Variants in CNTN6 observed in about 807,000 individuals in gnomAD.
CNTN6 encodes the protein contactin 6.
Under a neutral mutation model 122.8 loss-of-function variants are expected in CNTN6, and 137 were observed. The ratio of observed to expected loss-of-function variants is 1.12; its 90% CI spans 0.97 to 1.29. CNTN6 has a LOEUF of 1.29. CNTN6 is among the 50% of genes most tolerant of loss of function. The probability of loss-of-function intolerance (pLI) is 0.00; values close to 1 mark genes in which losing one functional copy is unlikely to be tolerated. For missense variants in CNTN6, 1,634 were observed against 1,223.4 expected (o/e 1.34, Z -5.01); for synonymous variants, 570 against 426.0 (o/e 1.34, Z -4.16).
chr3:1,261,579 A>G (rs192053172), intron 4 of CNTN6, among the ~76,000 whole-genome samples: 15 of 152,176 alleles, frequency 9.9e-5, no homozygotes, highest in African/African-American at 3.6e-4. Context: ...ATAAAAAATA[A>G]TTTCTCAGAG....
chr3:1,096,889 T>C (rs1195507160), intron 1 of CNTN6, among the ~76,000 whole-genome samples: 1 of 152,200 alleles, frequency 6.6e-6, no homozygotes, highest in Non-Finnish European at 1.5e-5. Flanking sequence ...TGCTTCGTTT[T>C]TTATCTGCAC....
chr3:1,150,738 C>T (rs1211642734), intron 2 of CNTN6, among the ~76,000 whole-genome samples: 1 of 152,064 alleles, frequency 6.6e-6, no homozygotes, highest in Non-Finnish European at 1.5e-5. Context: ...GGTCCTAATA[C>T]CTGGAACCTG....
chr3:1,320,395 C>A (rs961124422), intron 7 of CNTN6, among the ~76,000 whole-genome samples: 1 of 151,590 alleles, frequency 6.6e-6, no homozygotes, highest in African/African-American at 2.4e-5. Context: ...CATAAGTGTT[C>A]TTGCTTGAAG....
At chr3:1,380,174 G>T (rs867459158) in intron 17 of CNTN6, among the ~76,000 whole-genome samples, 23 of 152,094 alleles carry the variant, frequency 1.5e-4, no homozygotes, top group African/African-American at 2.4e-5. Flanking sequence ...ACTTTGAAAG[G>T]CACTGCGCGA....
chr3:1,249,842 G>C (rs1308417966), intron 4 of CNTN6, among the ~76,000 whole-genome samples: 2 of 152,124 alleles, frequency 1.3e-5, no homozygotes, highest in East Asian at 3.9e-4. Context: ...TTAAGCAAAA[G>C]TAATCAAATA....
intron 1 of CNTN6, among the ~76,000 whole-genome samples, chr3:1,142,946 A>G (rs2092641913): frequency 6.9e-6 from 1 of 145,974 alleles, no homozygotes; most frequent in Admixed American, 6.9e-5. Flanking sequence ...TTAAAGATAC[A>G]TATAAATTTG....
intron 2 of CNTN6, among the ~76,000 whole-genome samples, chr3:1,160,586 C>T (rs9822340): frequency 0.063 from 9,319 of 148,684 alleles, 388 homozygotes; most frequent in Middle Eastern, 0.13. Context: ...GACCTAAGTG[C>T]TTTTAAAAGC....
At chr3:1,174,451 T>C (rs965079523) in intron 2 of CNTN6, among the ~76,000 whole-genome samples, 3 of 152,220 alleles carry the variant, frequency 2.0e-5, no homozygotes, top group Admixed American at 2.0e-4. Context: ...CAGCATCTCA[T>C]GGAACTTCTC....
At chr3:1,321,120 C>G (rs1028908199) in intron 7 of CNTN6, among the ~76,000 whole-genome samples, 5 of 151,452 alleles carry the variant, frequency 3.3e-5, no homozygotes, top group Non-Finnish European at 7.4e-5. Flanking sequence ...TCACCCATCC[C>G]ATGTCTTCAG....
chr3:1,312,638 T>C (rs550691932), intron 7 of CNTN6, among the ~76,000 whole-genome samples: 62 of 150,746 alleles, frequency 4.1e-4, no homozygotes, highest in Non-Finnish European at 8.3e-4. Flanking sequence ...AAAGCATCTA[T>C]TGACTGGTTG....
At chr3:1,177,749 T>C (rs535243507) in intron 2 of CNTN6, among the ~76,000 whole-genome samples, 1 of 152,156 alleles carries the variant, frequency 6.6e-6, no homozygotes, top group African/African-American at 2.4e-5. Flanking sequence ...AAGGGAAATA[T>C]TCTTTACTTT....
At chr3:1,328,910 T>C (rs1701895013) in intron 10 of CNTN6, among the ~76,000 whole-genome samples, 1 of 151,630 alleles carries the variant, frequency 6.6e-6, no homozygotes, top group African/African-American at 2.4e-5. Flanking sequence ...TTGTTCAACA[T>C]ATATTTAGTG....
chr3:1,107,963 G>T (rs1276887436), intron 1 of CNTN6, among the ~76,000 whole-genome samples: 3 of 152,028 alleles, frequency 2.0e-5, no homozygotes, highest in Admixed American at 6.6e-5. Flanking sequence ...TTTAGATTTG[G>T]AATCTCCAGT....
intron 4 of CNTN6, among the ~76,000 whole-genome samples, chr3:1,243,514 T>C (rs2094517313): frequency 6.6e-6 from 1 of 151,984 alleles, no homozygotes; most frequent in South Asian, 2.1e-4. Context: ...CGTAATAAAA[T>C]GTATTTTGAG....
At chr3:1,300,278 G>A (rs545461978) in intron 7 of CNTN6, among the ~76,000 whole-genome samples, 19 of 152,032 alleles carry the variant, frequency 1.2e-4, no homozygotes, top group Non-Finnish European at 2.6e-4. Context: ...GAGCCACTGC[G>A]CCGACCGCAT....
chr3:1,222,999 A>G (rs7617060), intron 3 of CNTN6, among the ~76,000 whole-genome samples: 38,760 of 152,098 alleles, frequency 0.25, 5,550 homozygotes, highest in African/African-American at 0.37. Context: ...AAAGCAAAGG[A>G]CAGAGGTATT....
At chr3:1,377,365 T>C (rs1056286734) in intron 17 of CNTN6, among the ~76,000 whole-genome samples, 3 of 152,094 alleles carry the variant, frequency 2.0e-5, no homozygotes, top group Non-Finnish European at 2.9e-5. Flanking sequence ...GAATTAGGCA[T>C]TGTTTGATTT....
intron 11 of CNTN6, among the ~76,000 whole-genome samples, chr3:1,339,748 T>G (rs917767302): frequency 1.3e-5 from 2 of 152,148 alleles, no homozygotes; most frequent in African/African-American, 4.8e-5. Context: ...CAAGACACAC[T>G]TCTCCCGTGA....
intron 4 of CNTN6, among the ~76,000 whole-genome samples, chr3:1,234,811 G>A (rs1462367804): frequency 6.6e-6 from 1 of 152,092 alleles, no homozygotes; most frequent in Non-Finnish European, 1.5e-5. Flanking sequence ...AATAGCATAA[G>A]CAATGTTACA....
Sources: allele counts gnomAD v4.1 joint callset (sites outside exome capture counted in the v4.1 genomes callset), GRCh38; gene constraint gnomAD v4.1.1; transcripts MANE v1.5; gene names NCBI Gene and HGNC (gene_info 2026-07-23, HGNC 2026-07-21).